GALNT18: variants seen among roughly 807,000 people sequenced by gnomAD.
The protein encoded by GALNT18 is polypeptide N-acetylgalactosaminyltransferase 18.
In GALNT18, 44 loss-of-function variants were observed where a neutral mutation model predicts 69.5. That is an observed-to-expected ratio of 0.63 (90% CI 0.50 to 0.81). The LOEUF (loss-of-function observed/expected upper bound fraction) is 0.81. GALNT18 is among the 40% of genes least tolerant of loss of function. GALNT18 has a pLI of 0.00. For synonymous variants in GALNT18, 364 were observed against 318.2 expected (o/e 1.14, Z -1.53); for missense variants, 715 against 810.0 (o/e 0.88, Z 1.42).
intron 3 of GALNT18, among the ~76,000 whole-genome samples, chr11:11,394,556 T>C (rs1429908594): frequency 6.6e-6 from 1 of 152,230 alleles, no homozygotes; most frequent in African/African-American, 2.4e-5. Context: ...AACTCTACTG[T>C]AGCAGCAGAA....
chr11:11,490,686 T>C (rs1856751313), intron 1 of GALNT18, among the ~76,000 whole-genome samples: 1 of 152,104 alleles, frequency 6.6e-6, no homozygotes, highest in Admixed American at 6.5e-5. Context: ...CATGGAACCA[T>C]CTCTGACTTG....
intron 3 of GALNT18, among the ~76,000 whole-genome samples, chr11:11,384,410 A>C (rs548947381): frequency 1.7e-4 from 26 of 152,244 alleles, no homozygotes; most frequent in African/African-American, 5.8e-4. Context: ...CCTTCTTGCT[A>C]TGTCCTCAAG....
intron 1 of GALNT18, among the ~76,000 whole-genome samples, chr11:11,594,850 CATACAT>C (rs1565032729): frequency 5.9e-5 from 3 of 50,498 alleles, no homozygotes; most frequent in African/African-American, 1.5e-4. Flanking sequence ...TACACATATA[CATACAT>C]ACACACACAT....
chr11:11,473,128 C>A (rs1856309787), intron 1 of GALNT18, among the ~76,000 whole-genome samples: 2 of 152,186 alleles, frequency 1.3e-5, no homozygotes, highest in South Asian at 4.1e-4. Context: ...AAACAAGGCA[C>A]TCTCAACCCA....
intron 1 of GALNT18, among the ~76,000 whole-genome samples, chr11:11,488,277 A>G: frequency 6.6e-6 from 1 of 151,942 alleles, no homozygotes; most frequent in East Asian, 1.9e-4. Flanking sequence ...CGGAGAATCC[A>G]TTTTCTTTCC....
chr11:11,498,797 T>A (rs1856918175), intron 1 of GALNT18, among the ~76,000 whole-genome samples: 1 of 151,970 alleles, frequency 6.6e-6, no homozygotes, highest in Non-Finnish European at 1.5e-5. Context: ...AGACTCCATC[T>A]CAAAAAAATA....
At chr11:11,275,913 C>A (rs561650203) in intron 10 of GALNT18, among the ~76,000 whole-genome samples, 13 of 152,278 alleles carry the variant, frequency 8.5e-5, no homozygotes, top group African/African-American at 3.1e-4. Context: ...GGTACCAGTA[C>A]CATGCTGTTT....
chr11:11,322,058 C>T (rs1590036430), intron 9 of GALNT18, among the ~76,000 whole-genome samples: 1 of 152,322 alleles, frequency 6.6e-6, no homozygotes, highest in Non-Finnish European at 1.5e-5. Context: ...TAACACCATC[C>T]TTATAGAAAT....
chr11:11,379,195 A>G lies in GALNT18; in HGVS notation c.665T>C (p.Val222Ala), dbSNP rs771406577. 1 of 1,612,942 alleles carries G rather than the reference A, an allele frequency of 6.2e-7. No homozygotes were observed. The highest frequency in any genetic ancestry group is 1.1e-5 in the South Asian group (1 of 91,022). The part of the protein sequence containing the change: ...VNSQKPGFIK[V>A]VRHSKQEGLI... Reference sequence around the variant, plus strand: ...GCCTTCCTGCTTGCTGTGACGCACGACTTTGATGAAGCCTGGCTTCTGGCT... The same window carrying G: ...GCCTTCCTGCTTGCTGTGACGCACGGCTTTGATGAAGCCTGGCTTCTGGCT... The change falls in exon 4 of 11, where the codon GTC (valine) becomes GCC (alanine). Residue 222 changes from valine to alanine, a missense_variant. Val to Ala is a moderately conservative substitution (Grantham distance 64). Coordinates refer to ENST00000227756, the MANE Select transcript of GALNT18 (RefSeq NM_198516.3).
chr11:11,275,291 A>G (rs1051415662), intron 10 of GALNT18, among the ~76,000 whole-genome samples: 2 of 152,206 alleles, frequency 1.3e-5, no homozygotes, highest in African/African-American at 4.8e-5. Flanking sequence ...TTCTCTAATG[A>G]CCAGAGATAA....
chr11:11,499,712 C>T (rs1856935354), intron 1 of GALNT18, among the ~76,000 whole-genome samples: 2 of 152,342 alleles, frequency 1.3e-5, no homozygotes, highest in Admixed American at 6.5e-5. Context: ...TCTGTTTACC[C>T]TGTGCTCTAC....
chr11:11,568,660 T>G (rs936909229), intron 1 of GALNT18, among the ~76,000 whole-genome samples: 3 of 152,142 alleles, frequency 2.0e-5, no homozygotes, highest in African/African-American at 7.2e-5. Context: ...GAGAGGGCAC[T>G]GGACTAGGAG....
intron 1 of GALNT18, among the ~76,000 whole-genome samples, chr11:11,499,782 C>A (rs573112000): frequency 6.6e-6 from 1 of 152,188 alleles, no homozygotes; most frequent in Non-Finnish European, 1.5e-5. Context: ...CTCTGCTGAC[C>A]CAATTTAGTA....
chr11:11,402,873 G>A lies in GALNT18; in HGVS notation c.596-23609C>T, dbSNP rs1473665484. ...AGGTGTCCCCACGGGCCCCGGAGAT[G>A]GTGTAATGCTTGTTTCTCTTTGGAG... On this transcript the variant is annotated intron_variant, in intron 3 of 10. Transcript: ENST00000227756. The surrounding 1 kb of genome is among the most constrained non-coding windows in gnomAD (Gnocchi z 4.0). 6.6e-6 allele frequency among the ~76,000 whole-genome samples: 1 copy of A among 152,182 alleles called. No individual in the cohort carries two copies. Among genetic ancestry groups the A allele is most frequent in the Non-Finnish European group, 1.5e-5 (1 of 68,022 alleles).
chr11:11,370,907 G>A (rs1314118243), intron 6 of GALNT18, among the ~76,000 whole-genome samples: 2 of 152,188 alleles, frequency 1.3e-5, no homozygotes, highest in Non-Finnish European at 1.5e-5. Flanking sequence ...AAAATATTAT[G>A]TTTGGGGTGA....
chr11:11,294,442 T>C (rs563102064), intron 9 of GALNT18, among the ~76,000 whole-genome samples: 1 of 152,228 alleles, frequency 6.6e-6, no homozygotes, highest in African/African-American at 2.4e-5. Flanking sequence ...AGAGCCACTC[T>C]TATCAGTTCT....
chr11:11,432,718 C>T lies in GALNT18; in HGVS notation c.498G>A (p.Ala166=), dbSNP rs144175711. 19 of 1,613,904 alleles carry T rather than the reference C, an allele frequency of 1.2e-5. No homozygotes were observed. Among genetic ancestry groups the T allele is most frequent in the South Asian group, 3.3e-5 (3 of 91,006 alleles). ...GGATGGAGCGCAGCAGCACTGAAAG[C>T]GCTTCATTGACGAAGATGAACACGA... The part of the protein sequence containing the change: ...VSIVFIFVNE[A]LSVLLRSIHS... Residue 166 remains alanine (A), a synonymous_variant, in exon 3 of 11, where the codon GCG becomes GCA. Coordinates refer to ENST00000227756, the MANE Select transcript of GALNT18 (RefSeq NM_198516.3). This position sits in a 1 kb window ranked among gnomAD's most constrained non-coding sequence, Gnocchi z 5.8.
In GALNT18 at chr11:11,590,317, G is replaced by A. The variant is rs1363644750; in HGVS notation, c.235+31042C>T. Among the ~76,000 whole-genome samples the A allele has an allele frequency of 2.0e-5, 3 of 152,216 alleles. No individual in the cohort carries two copies. The highest frequency in any genetic ancestry group is 2.1e-4 in the South Asian group (1 of 4,832). ...CTGCCGATTGCATGCAAGGGGTCACGCAGAAAGCGACAGGGCCCAAGCCTA... is the reference window on the plus strand; with the variant it reads ...CTGCCGATTGCATGCAAGGGGTCACACAGAAAGCGACAGGGCCCAAGCCTA... On this transcript the variant is annotated intron_variant, in intron 1 of 10. Transcript: ENST00000227756. The surrounding 1 kb of genome is among the most constrained non-coding windows in gnomAD (Gnocchi z 4.4).
At chr11:11,495,367 C>A (rs565250450) in intron 1 of GALNT18, among the ~76,000 whole-genome samples, 3 of 152,106 alleles carry the variant, frequency 2.0e-5, no homozygotes, top group African/African-American at 7.2e-5. Context: ...GGGTTGGGTA[C>A]GCAAACTTCC....
Sources: gnomAD v4.1 joint callset for allele counts (sites outside exome capture counted in the v4.1 genomes callset) on GRCh38, gnomAD v4.1.1 for gene constraint, Gnocchi (gnomAD v3.1) non-coding constraint, MANE v1.5 for transcripts, NCBI Gene and HGNC (gene_info 2026-07-23, HGNC 2026-07-21) for gene names.